The following SEPTIN2 variants were observed in gnomAD, a reference collection of about 807,000 sequenced individuals.
SEPTIN2 encodes septin 2.
Under a neutral mutation model 46.5 loss-of-function variants are expected in SEPTIN2, and 34 were observed. The observed-to-expected ratio is 0.73, with a 90% CI of 0.56 to 0.97. The LOEUF is 0.97. Ranked by LOEUF, SEPTIN2 falls within the 50% of genes least tolerant of loss-of-function variation. The pLI, the probability that SEPTIN2 is intolerant of heterozygous loss-of-function variation, is 0.00. For missense variants in SEPTIN2, 347 were observed against 448.4 expected, an observed-to-expected ratio of 0.77 and a Z score of 2.04; for synonymous variants, 175 against 153.4, an observed-to-expected ratio of 1.14 and a Z score of -1.04.
rs200361730 is a variant in SEPTIN2, at chr2:241,350,162, G to A, written c.1074G>A (p.Gly358=). 13 of 1,612,842 alleles carry A rather than the reference G, an allele frequency of 8.1e-6. No individual in the cohort carries two copies. In the East Asian group the frequency reaches 2.9e-4, roughly 36 times the overall value. ...QGGDGDGGAL[G]HHV is the part of the protein sequence containing the mutation. The stretch of plus-strand genomic sequence containing the variant: ...GGGATGGCGATGGCGGGGCTCTCGG[G>A]CACCACGTGTAAGGTGATGTGCACA... Residue 358 remains glycine (G), a synonymous_variant, in exon 12 of 13, where the codon GGG becomes GGA. Transcript: ENST00000391971.
chr2:241,335,055 T>C (rs896701618), intron 3 of SEPTIN2, 71 bp from the exon 4 acceptor site: 87 of 1,061,972 alleles, frequency 8.2e-5, no homozygotes, highest in Middle Eastern at 2.8e-4. Flanking sequence ...CCAGGCCTTA[T>C]GTAAACACTT....
chr2:241,316,289 G>T, intron 1 of SEPTIN2: 1 of 476,782 alleles, frequency 2.1e-6, no homozygotes, highest in Non-Finnish European at 3.7e-6. Context: ...GTCGGTGCTG[G>T]GCCTCGGGGC....
chr2:241,346,284 C>T, intron 10 of SEPTIN2, 35 bp downstream of exon 10: 1 of 1,527,790 alleles, frequency 6.5e-7, no homozygotes, highest in Non-Finnish European at 9.1e-7. Flanking sequence ...TGTATTGTGT[C>T]ACCCTGAGCC....
intron 3 of SEPTIN2, among the ~76,000 whole-genome samples, chr2:241,327,099 C>T (rs974795940): frequency 7.6e-6 from 1 of 131,930 alleles, no homozygotes; most frequent in African/African-American, 2.9e-5. Context: ...TACAGTGTAA[C>T]ATTCACAATG....
intron 5 of SEPTIN2, 63 bp downstream of exon 5, chr2:241,336,161 A>G (rs767540919): frequency 1.3e-6 from 2 of 1,504,224 alleles, no homozygotes; most frequent in Non-Finnish European, 1.8e-6. Flanking sequence ...AAATTTATAG[A>G]TAGTGTTAAT....
intron 3 of SEPTIN2, among the ~76,000 whole-genome samples, chr2:241,331,719 A>G (rs984755451): frequency 2.0e-5 from 3 of 152,210 alleles, no homozygotes; most frequent in Non-Finnish European, 4.4e-5. Flanking sequence ...AAAAATTAAC[A>G]AGCTGATTCG....
At chr2:241,321,522 G>A (rs2149840633) in intron 1 of SEPTIN2, among the ~76,000 whole-genome samples, 1 of 150,996 alleles carries the variant, frequency 6.6e-6, no homozygotes, top group South Asian at 2.1e-4. Flanking sequence ...GCCTCTCTTT[G>A]TTCCTTTTGC....
chr2:241,316,217 G>A (rs974415790), intron 1 of SEPTIN2: 1 of 338,624 alleles, frequency 3.0e-6, no homozygotes, highest in Admixed American at 4.9e-5. Context: ...GGCAGGCCCG[G>A]GCGCGGGAGT....
chr2:241,321,248 TTA>T (rs1491470407), intron 1 of SEPTIN2, among the ~76,000 whole-genome samples: 3 of 152,236 alleles, frequency 2.0e-5, no homozygotes, highest in African/African-American at 7.2e-5. Flanking sequence ...GAGAACTCTA[TTA>T]AAGTTTCTCA....
intron 11 of SEPTIN2, among the ~76,000 whole-genome samples, chr2:241,348,898 AAAAG>A (rs2060520218): frequency 6.6e-6 from 1 of 152,342 alleles, no homozygotes; most frequent in African/African-American, 2.4e-5. Context: ...TTTGGAAACA[AAAAG>A]AAAATACTTC....
At chr2:241,339,103 G>A (rs1445513881) in intron 7 of SEPTIN2, among the ~76,000 whole-genome samples, 1 of 140,786 alleles carries the variant, frequency 7.1e-6, no homozygotes, top group South Asian at 2.2e-4. Flanking sequence ...TAAAATAAAA[G>A]AGTTTCTAGG....
chr2:241,329,322 G>T (rs979011233), intron 3 of SEPTIN2, among the ~76,000 whole-genome samples: 2 of 151,964 alleles, frequency 1.3e-5, no homozygotes, highest in East Asian at 3.9e-4. Flanking sequence ...TAGAGACGGG[G>T]TTTCACCGTG....
rs1356503318 is a variant in SEPTIN2, at chr2:241,326,093, A to G, written c.110A>G (p.Glu37Gly). 6.2e-7 allele frequency: 1 copy of G among 1,613,604 alleles called. No homozygotes were observed. The highest frequency in any genetic ancestry group is 1.3e-5 in the African/African-American group (1 of 75,042). Residue 37 changes from glutamate to glycine, a missense_variant, in exon 3 of 13, where the codon GAG becomes GGG. Physicochemically the swap from Glu to Gly is moderately conservative, Grantham distance 98. Coordinates refer to ENST00000391971, the MANE Select transcript of SEPTIN2 (RefSeq NM_004404.5). ...VHRKSVKKGF[E>G]FTLMVVGESG... is the part of the protein sequence containing the mutation. ...CGAAAATCAGTGAAAAAAGGTTTTG[A>G]GTTCACACTGATGGTGGTCGGTAAG...
Position 241,343,054 on chromosome 2 carries a change from T to C in SEPTIN2, c.657T>C (p.Asp219=). ...ATCACTTACCTGATGCAGAATCAGA[T>C]GAAGATGAAGATTTTAAAGAGCAGA... The part of the protein sequence containing the change: ...KIYHLPDAES[D]EDEDFKEQTR... Residue 219 remains aspartate, a synonymous_variant, in exon 8 of 13, where the codon GAT becomes GAC. Coordinates refer to ENST00000391971, the MANE Select transcript of SEPTIN2 (RefSeq NM_004404.5). 1 of 1,609,754 alleles carries C rather than the reference T, an allele frequency of 6.2e-7. No homozygotes were observed. Among genetic ancestry groups the C allele is most frequent in the Non-Finnish European group, 8.5e-7 (1 of 1,176,438 alleles).
At chr2:241,337,852 A>C (rs2080295049) in intron 7 of SEPTIN2, 62 bp downstream of exon 7, 1 of 1,187,292 alleles carries the variant, frequency 8.4e-7, no homozygotes, top group Admixed American at 1.7e-5. Context: ...GGGATGAAGA[A>C]AGGAGTGTGT....
intron 3 of SEPTIN2, among the ~76,000 whole-genome samples, chr2:241,327,148 CAA>C (rs1427894441): frequency 7.7e-6 from 1 of 129,684 alleles, no homozygotes; most frequent in African/African-American, 2.9e-5. Context: ...ATCAAAGAAA[CAA>C]AAACTGTACA....
intron 1 of SEPTIN2, among the ~76,000 whole-genome samples, chr2:241,321,545 C>T (rs1255926902): frequency 2.0e-5 from 3 of 151,910 alleles, no homozygotes; most frequent in African/African-American, 7.2e-5. Flanking sequence ...TAAGCATATA[C>T]GTTATAGCTG....
At chr2:241,336,671 C>T (rs887051724) in intron 5 of SEPTIN2, 1 of 171,912 alleles carries the variant, frequency 5.8e-6, no homozygotes, top group African/African-American at 2.4e-5. Flanking sequence ...TCCCTTCTTA[C>T]ATGTGAAAGT....
At chr2:241,330,493 G>T (rs910853455) in intron 3 of SEPTIN2, among the ~76,000 whole-genome samples, 1 of 152,176 alleles carries the variant, frequency 6.6e-6, no homozygotes, top group African/African-American at 2.4e-5. Flanking sequence ...ATAACACTAC[G>T]TGTAAATGGG....
Sources: gnomAD v4.1 joint callset for allele counts (sites outside exome capture counted in the v4.1 genomes callset) on GRCh38, gnomAD v4.1.1 for gene constraint, MANE v1.5 for transcripts, NCBI Gene and HGNC (gene_info 2026-07-23, HGNC 2026-07-21) for gene names.